Variants in TENM3 observed in about 807,000 individuals in gnomAD.
TENM3 encodes the protein teneurin-3.
Under a neutral mutation model 255.1 loss-of-function variants are expected in TENM3, and 63 were observed. The observed-to-expected ratio is 0.25, with a 90% CI of 0.20 to 0.30. The LOEUF is 0.30. Among genes scored for constraint, TENM3 ranks in the 10% least tolerant of loss-of-function variants. The pLI, the probability that TENM3 is intolerant of heterozygous loss-of-function variation, is 1.00. For missense variants in TENM3, 2,929 were observed against 3,461.1 expected (o/e 0.85, Z 3.86); for synonymous variants, 1,306 against 1,322.3 (o/e 0.99, Z 0.27).
At chr4:181,634,939 T>C in the TENM3 span, among the ~76,000 whole-genome samples, 1 of 152,192 alleles carries the variant, frequency 6.6e-6, no homozygotes, top group African/African-American at 2.4e-5. Context: ...TCTATATTCA[T>C]CTTCACCCTT....
intron 3 of TENM3, among the ~76,000 whole-genome samples, chr4:182,362,463 G>A (rs2150789918): frequency 6.6e-6 from 1 of 152,158 alleles, no homozygotes; most frequent in Middle Eastern, 3.4e-3. Flanking sequence ...CCACCTTGCA[G>A]TTTGATCTCA....
intron 12 of TENM3, among the ~76,000 whole-genome samples, chr4:182,702,867 G>A (rs1423035663): frequency 1.3e-5 from 2 of 151,826 alleles, no homozygotes; most frequent in African/African-American, 4.8e-5. Context: ...CTCCCACATA[G>A]CTGGGACTAC....
chr4:181,481,006 A>G, the TENM3 span, among the ~76,000 whole-genome samples: 1 of 151,790 alleles, frequency 6.6e-6, no homozygotes, highest in Admixed American at 6.6e-5. Flanking sequence ...GACATTCACC[A>G]TGAAACGACT....
At chr4:181,703,348 C>A in the TENM3 span, among the ~76,000 whole-genome samples, 1 of 152,162 alleles carries the variant, frequency 6.6e-6, no homozygotes. Context: ...ATTTGAATAA[C>A]TTACCCTCAG....
the TENM3 span, among the ~76,000 whole-genome samples, chr4:181,617,325 C>T: frequency 3.3e-5 from 5 of 152,124 alleles, no homozygotes; most frequent in African/African-American, 7.2e-5. Flanking sequence ...TCAATTTAAA[C>T]GTTCAGTTTC....
chr4:182,047,088 G>A, the TENM3 span, among the ~76,000 whole-genome samples: 1 of 152,248 alleles, frequency 6.6e-6, no homozygotes, highest in Non-Finnish European at 1.5e-5. Flanking sequence ...CTTCTGACTA[G>A]AAAGTTCTGC....
chr4:182,725,909 A>G (rs1488376006), intron 13 of TENM3, among the ~76,000 whole-genome samples: 1 of 152,134 alleles, frequency 6.6e-6, no homozygotes, highest in African/African-American at 2.4e-5. Context: ...AAGTGCTGGG[A>G]TTACAGGTGT....
At chr4:182,240,731 CA>C (rs1274195552), upstream of TENM3, among the ~76,000 whole-genome samples, 2 of 152,138 alleles carry the variant, frequency 1.3e-5, no homozygotes, top group Non-Finnish European at 2.9e-5. Context: ...TCCCCATGGA[CA>C]CAGCCTGGGA....
intron 3 of TENM3, among the ~76,000 whole-genome samples, chr4:182,406,563 G>A (rs1769595190): frequency 1.3e-5 from 2 of 152,168 alleles, no homozygotes; most frequent in East Asian, 1.9e-4. Context: ...AGGGCTGGCC[G>A]CCTGGAGAAT....
chr4:182,236,701 T>C (rs1756918804), intron 1 of TENM3, among the ~76,000 whole-genome samples: 1 of 152,208 alleles, frequency 6.6e-6, no homozygotes, highest in African/African-American at 2.4e-5. Flanking sequence ...AACATAAGGT[T>C]CAGAAGAGTG....
At chr4:182,705,741 C>A (rs1459935534) in intron 12 of TENM3, among the ~76,000 whole-genome samples, 1 of 152,180 alleles carries the variant, frequency 6.6e-6, no homozygotes, top group Admixed American at 6.5e-5. Flanking sequence ...AAATGAGCTG[C>A]CTTCTTGGGA....
At chr4:182,190,792 G>GAAAATGGGGC (rs1422452060) in intron 1 of TENM3, among the ~76,000 whole-genome samples, 1 of 152,060 alleles carries the variant, frequency 6.6e-6, no homozygotes, top group Admixed American at 6.6e-5. Context: ...GAAACACATT[G>GAAAATGGGGC]AAAATGGGGG....
the TENM3 span, among the ~76,000 whole-genome samples, chr4:181,796,382 G>A: frequency 2.0e-5 from 3 of 152,196 alleles, no homozygotes; most frequent in South Asian, 6.2e-4. Flanking sequence ...AGTTTGTGAT[G>A]TTCAGTGGGG....
chr4:182,129,131 CT>C, the TENM3 span, among the ~76,000 whole-genome samples: 7 of 152,164 alleles, frequency 4.6e-5, no homozygotes, highest in Admixed American at 1.3e-4. Flanking sequence ...AAGTATATGA[CT>C]ATTAAGTCGT....
At chr4:182,038,331 A>C in the TENM3 span, among the ~76,000 whole-genome samples, 1 of 152,236 alleles carries the variant, frequency 6.6e-6, no homozygotes, top group Non-Finnish European at 1.5e-5. Context: ...AATATAAATA[A>C]TTGTAATTTA....
the TENM3 span, among the ~76,000 whole-genome samples, chr4:181,624,719 A>T: frequency 6.6e-6 from 1 of 152,170 alleles, no homozygotes; most frequent in African/African-American, 2.4e-5. Context: ...CCACCTCAAA[A>T]CTTAGTAATT....
intron 7 of TENM3, among the ~76,000 whole-genome samples, chr4:182,675,343 A>G (rs943743592): frequency 6.6e-6 from 1 of 151,076 alleles, no homozygotes; most frequent in African/African-American, 2.4e-5. Context: ...GGAGTTCAAG[A>G]CCGGCCTGAC....
At chr4:182,633,761 C>G (rs944613028) in intron 5 of TENM3, among the ~76,000 whole-genome samples, 1 of 152,224 alleles carries the variant, frequency 6.6e-6, no homozygotes, top group South Asian at 2.1e-4. Context: ...TGAAGGCACA[C>G]ACACAAGGAC....
chr4:182,625,128 T>C (rs1750698123), intron 4 of TENM3, among the ~76,000 whole-genome samples: 1 of 152,222 alleles, frequency 6.6e-6, no homozygotes, highest in African/African-American at 2.4e-5. Context: ...TTGTTGTTAA[T>C]GAAGCCGACA....
Sources: allele counts gnomAD v4.1 joint callset (sites outside exome capture counted in the v4.1 genomes callset), GRCh38; gene constraint gnomAD v4.1.1; transcripts MANE v1.5; gene names NCBI Gene and HGNC (gene_info 2026-07-23, HGNC 2026-07-21).